TMPPE: variants seen among roughly 807,000 people sequenced by gnomAD.
TMPPE encodes the protein transmembrane protein with metallophosphoesterase domain.
In TMPPE, 16 loss-of-function variants were observed where a neutral mutation model predicts 22.6. That is an observed-to-expected ratio of 0.71 (90% confidence interval 0.48 to 1.08). The LOEUF (loss-of-function observed/expected upper bound fraction) is 1.08. TMPPE is among the 50% of genes least tolerant of loss of function. The probability of loss-of-function intolerance (pLI) is 0.00; values close to 1 mark genes in which losing one functional copy is unlikely to be tolerated. For synonymous variants in TMPPE, 240 were observed against 245.3 expected, an observed-to-expected ratio of 0.98 and a Z score of 0.20; for missense variants, 526 against 584.3, an observed-to-expected ratio of 0.90 and a Z score of 1.03.
intron 1 of TMPPE, among the ~76,000 whole-genome samples, chr3:33,095,876 C>CT (rs1307494986): frequency 1.3e-5 from 2 of 152,210 alleles, no homozygotes; most frequent in East Asian, 1.9e-4. Flanking sequence ...CAAGAAAACT[C>CT]TGTCTACATA....
rs758376354 is a variant in TMPPE, at chr3:33,092,844, C to T, written c.1352G>A (p.Arg451Gln). Residue 451 changes from arginine to glutamine, a missense_variant, in exon 2 of 2, where the codon CGG becomes CAG. Physicochemically the swap from Arg to Gln is conservative, Grantham distance 43 (BLOSUM62 1). Transcript: ENST00000342462. ...CAGGGCAGGGCCAGTTCAGGGAGAC[C>T]GCTGCAGGATGAGCTCTGTGATCTC... ...RAEITELILQ[R>Q]SP The T allele has an allele frequency of 1.3e-5, 21 of 1,601,488 alleles. No homozygotes were observed. The highest frequency in any genetic ancestry group is 2.7e-5 in the African/African-American group (2 of 74,814).
Position 33,093,563 on chromosome 3 carries a change from G to A in TMPPE, c.633C>T (p.Leu211=), listed in dbSNP as rs146436524. Residue 211 remains leucine, a synonymous_variant, in exon 2 of 2, where the codon CTC becomes CTT. Transcript: ENST00000342462. This position sits in a 1 kb window ranked among gnomAD's most constrained non-coding sequence, Gnocchi z 6.0. ...PASMNNLKIV[L]LSDIHLGPTV... ...TGGGGCCCAAGTGAATGTCTGAGAGGAGCACGATCTTGAGGTTGTTCATTG... is the reference window on the plus strand; with the variant it reads ...TGGGGCCCAAGTGAATGTCTGAGAGAAGCACGATCTTGAGGTTGTTCATTG... 6.1e-5 allele frequency: 98 copies of A among 1,614,080 alleles called. No individual in the cohort carries two copies. The highest frequency in any genetic ancestry group is 2.2e-4 in the Admixed American group (13 of 60,000).
rs781725075 is a variant in TMPPE at position 33,097,125 on chromosome 3, G to A, written c.-515C>T. ...CGGCTCTGCAGTCGGCGCCCAGGCC[G>A]GCCGCTTCGCGTCACTTGACTAAGG... On this transcript the variant is annotated 5_prime_UTR_variant, in exon 1 of 2. Transcript: ENST00000342462. The A allele has an allele frequency of 1.9e-6, 3 of 1,606,770 alleles. No homozygotes were observed. The highest frequency in any genetic ancestry group is 1.7e-6 in the Non-Finnish European group (2 of 1,176,468).
rs114462916 is a variant in TMPPE at position 33,090,885 on chromosome 3, G to C, written c.*1949C>G. The C allele has an allele frequency of 1.0e-5, 10 of 985,204 alleles. No individual in the cohort carries two copies. Among genetic ancestry groups the C allele is most frequent in the Non-Finnish European group, 1.2e-5 (10 of 829,910 alleles). The allele number at this position is 985,204 out of a possible 1,614,324, so 61.0% of individuals were successfully genotyped here. On this transcript the variant is annotated 3_prime_UTR_variant, in exon 2 of 2. Coordinates refer to ENST00000342462, the MANE Select transcript of TMPPE (RefSeq NM_001039770.3). ...TGAAGGGTACATAAGACCACACAAT[G>C]ATGGCATTCAAGAGAAAGAAAAGAG...
rs758950218 is a variant in TMPPE at position 33,092,795 on chromosome 3, G to A, written c.*39C>T. 1.3e-6 allele frequency: 2 copies of A among 1,546,752 alleles called. No individual in the cohort carries two copies. The highest frequency in any genetic ancestry group is 1.7e-6 in the Non-Finnish European group (2 of 1,146,046). On this transcript the variant is annotated 3_prime_UTR_variant, in exon 2 of 2. Transcript: ENST00000342462. ...ACTCTGAAGCAGGATGGAGGGTCGA[G>A]GACAAGGGCAGGGCAGAGGTGCACA...
rs937285209 is a variant in TMPPE, at chr3:33,093,165, T to C, written c.1031A>G (p.Tyr344Cys). 1 of 1,613,676 alleles carries C rather than the reference T, an allele frequency of 6.2e-7. No individual in the cohort carries two copies. The highest frequency in any genetic ancestry group is 1.3e-5 in the African/African-American group (1 of 74,786). Reference sequence around the variant, plus strand: ...GTCAAGATCCATGCCATGGCCAGAGTAGTGCAGGATGTCTGCTTCAATATC... The same window carrying C: ...GTCAAGATCCATGCCATGGCCAGAGCAGTGCAGGATGTCTGCTTCAATATC... ...VDDIEADILHYSGHGMDLDKA... is the reference protein window; with the variant it reads ...VDDIEADILHCSGHGMDLDKA... The change falls in exon 2 of 2, where the codon TAC becomes TGC. Residue 344 changes from tyrosine (Y) to cysteine (C), a missense_variant. Coordinates refer to ENST00000342462, the MANE Select transcript of TMPPE (RefSeq NM_001039770.3). The surrounding 1 kb of genome is among the most constrained non-coding windows in gnomAD (Gnocchi z 6.0).
In TMPPE at chr3:33,093,017, A is replaced by G; in HGVS notation, c.1179T>C (p.His393=). ...CGTTCAAGGGGAAGATCTGCCCAGCATGTGTGTGCCCAGAAAGGATCAGGT... is the reference window on the plus strand; with the variant it reads ...CGTTCAAGGGGAAGATCTGCCCAGCGTGTGTGTGCCCAGAAAGGATCAGGT... ...DINLILSGHT[H]AGQIFPLNVA... Residue 393 remains histidine, a synonymous_variant, in exon 2 of 2, where the codon CAT becomes CAC. Coordinates refer to ENST00000342462, the MANE Select transcript of TMPPE (RefSeq NM_001039770.3). This position sits in a 1 kb window ranked among gnomAD's most constrained non-coding sequence, Gnocchi z 6.0. 11 of 1,614,224 alleles carry G rather than the reference A, an allele frequency of 6.8e-6. No homozygotes were observed. Among genetic ancestry groups the G allele is most frequent in the Non-Finnish European group, 9.3e-6 (11 of 1,180,042 alleles).
Position 33,090,470 on chromosome 3 carries a change from A to G in TMPPE, c.*2364T>C. The G allele has an allele frequency of 3.0e-6, 3 of 985,480 alleles. No individual in the cohort carries two copies. The highest frequency in any genetic ancestry group is 3.6e-6 in the Non-Finnish European group (3 of 829,934). The allele number at this position is 985,480 out of a possible 1,614,324, so 61.0% of individuals were successfully genotyped here. ...CAATTTATTGAGATTTTGTGACAGC[A>G]TCATATACTACAGACACTATTGCTG... On this transcript the variant is annotated 3_prime_UTR_variant, in exon 2 of 2. Transcript: ENST00000342462.
In TMPPE at chr3:33,092,308, T is replaced by C; in HGVS notation, c.*526A>G. The C allele has an allele frequency of 1.0e-6, 1 of 986,978 alleles. No homozygotes were observed. Among genetic ancestry groups the C allele is most frequent in the Non-Finnish European group, 1.2e-6 (1 of 831,060 alleles). The allele number at this position is 986,978 out of a possible 1,614,324, so 61.1% of individuals were successfully genotyped here. ...GATAGAATCAGAGGAAAAGAAAATA[T>C]TCTTCTCTAGCAGCCAGAGGGCCCT... On this transcript the variant is annotated 3_prime_UTR_variant, in exon 2 of 2. Coordinates refer to ENST00000342462, the MANE Select transcript of TMPPE (RefSeq NM_001039770.3).
In TMPPE at chr3:33,090,655, G is replaced by C; in HGVS notation, c.*2179C>G. 2 of 985,396 alleles carry C rather than the reference G, an allele frequency of 2.0e-6. No individual in the cohort carries two copies. Among genetic ancestry groups the C allele is most frequent in the Non-Finnish European group, 2.4e-6 (2 of 829,910 alleles). 61.0% of individuals were successfully genotyped at this position (985,396 alleles called of 1,614,324 possible). Reference sequence around the variant, plus strand: ...CATGGTTTAAGAATGTTGAACAAAGGGACTAAAGGTGTCATGGAGACCTGC... The same window carrying C: ...CATGGTTTAAGAATGTTGAACAAAGCGACTAAAGGTGTCATGGAGACCTGC... On this transcript the variant is annotated 3_prime_UTR_variant, in exon 2 of 2. Transcript: ENST00000342462.
At chr3:33,094,647 AGCCATTACT>A (rs1700926563) in intron 1 of TMPPE, among the ~76,000 whole-genome samples, 1 of 150,016 alleles carries the variant, frequency 6.7e-6, no homozygotes, top group African/African-American at 2.5e-5. Flanking sequence ...TATAATTCCA[AGCCATTACT>A]GCCTTTTCCA....
In TMPPE at chr3:33,091,863, T is replaced by C; in HGVS notation, c.*971A>G. On this transcript the variant is annotated 3_prime_UTR_variant, in exon 2 of 2. Transcript: ENST00000342462. Reference sequence around the variant, plus strand: ...GTGAGGCCTTTTCTAACACGGGTGCTTATCTCCATCTCAGGATCAAAGGAT... The same window carrying C: ...GTGAGGCCTTTTCTAACACGGGTGCCTATCTCCATCTCAGGATCAAAGGAT... 1 of 985,428 alleles carries C rather than the reference T, an allele frequency of 1.0e-6. No homozygotes were observed. Among genetic ancestry groups the C allele is most frequent in the Non-Finnish European group, 1.2e-6 (1 of 829,948 alleles). 61.0% of individuals were successfully genotyped at this position (985,428 alleles called of 1,614,324 possible). A position where few individuals can be genotyped will look rare whatever the true frequency, so the allele number is the denominator to read the frequency against.
chr3:33,091,402 G>C lies in TMPPE; in HGVS notation c.*1432C>G. 1.0e-6 allele frequency: 1 copy of C among 985,528 alleles called. No homozygotes were observed. The highest frequency in any genetic ancestry group is 1.2e-6 in the Non-Finnish European group (1 of 830,020). The allele number at this position is 985,528 out of a possible 1,614,324, so 61.0% of individuals were successfully genotyped here. A position where few individuals can be genotyped will look rare whatever the true frequency, so the allele number is the denominator to read the frequency against. On this transcript the variant is annotated 3_prime_UTR_variant, in exon 2 of 2. Coordinates refer to ENST00000342462, the MANE Select transcript of TMPPE (RefSeq NM_001039770.3). ...AGGGAAGGAAGGCAAACCCCTAGCA[G>C]TTGCTGCTTTGACACATCACCTGCC...
At position 33,091,185 on chromosome 3, in the gene TMPPE, G is replaced by A. The variant is rs1295450196; in HGVS notation, c.*1649C>T. ...TGAGTTTGGAAGGACAGTGAAGAGA[G>A]AAAAAAGAATAAGGAAACCACCAAA... On this transcript the variant is annotated 3_prime_UTR_variant, in exon 2 of 2. Transcript: ENST00000342462. 1 of 985,238 alleles carries A rather than the reference G, an allele frequency of 1.0e-6. No homozygotes were observed. The highest frequency in any genetic ancestry group is 1.7e-5 in the African/African-American group (1 of 57,200). 61.0% of individuals were successfully genotyped at this position (985,238 alleles called of 1,614,324 possible).
In TMPPE at chr3:33,091,401, A is replaced by G. The variant is rs989787546; in HGVS notation, c.*1433T>C. 2.0e-6 allele frequency: 2 copies of G among 985,524 alleles called. No individual in the cohort carries two copies. Among genetic ancestry groups the G allele is most frequent in the Non-Finnish European group, 2.4e-6 (2 of 830,014 alleles). 61.0% of individuals were successfully genotyped at this position (985,524 alleles called of 1,614,324 possible). A position where few individuals can be genotyped will look rare whatever the true frequency, so the allele number is the denominator to read the frequency against. ...GAGGGAAGGAAGGCAAACCCCTAGC[A>G]GTTGCTGCTTTGACACATCACCTGC... On this transcript the variant is annotated 3_prime_UTR_variant, in exon 2 of 2. Transcript: ENST00000342462.
rs1289498698 is a variant in TMPPE at position 33,092,697 on chromosome 3, G to A, written c.*137C>T. On this transcript the variant is annotated 3_prime_UTR_variant, in exon 2 of 2. Coordinates refer to ENST00000342462, the MANE Select transcript of TMPPE (RefSeq NM_001039770.3). Reference sequence around the variant, plus strand: ...GCAGGCCCACCATAAGTCACTGTTTGAGTCAGGCTTGTGACCAAGGGTGTG... The same window carrying A: ...GCAGGCCCACCATAAGTCACTGTTTAAGTCAGGCTTGTGACCAAGGGTGTG... 9.7e-6 allele frequency: 14 copies of A among 1,441,494 alleles called. No homozygotes were observed. The highest frequency in any genetic ancestry group is 1.3e-5 in the Non-Finnish European group (14 of 1,099,814). The allele number at this position is 1,441,494 out of a possible 1,614,324, so 89.3% of individuals were successfully genotyped here. A position where few individuals can be genotyped will look rare whatever the true frequency, so the allele number is the denominator to read the frequency against.
chr3:33,094,473 G>A (rs2125587228), intron 1 of TMPPE, among the ~76,000 whole-genome samples, 170 bp from the exon 2 acceptor site: 1 of 152,342 alleles, frequency 6.6e-6, no homozygotes, highest in South Asian at 2.1e-4. Context: ...ACAGCATTGT[G>A]ACATGATGGG....
At chr3:33,095,436 G>A (rs1400963839) in intron 1 of TMPPE, among the ~76,000 whole-genome samples, 4 of 152,156 alleles carry the variant, frequency 2.6e-5, no homozygotes, top group Admixed American at 2.6e-4. Context: ...TGAGGCAGGA[G>A]AATGGCGTGA....
At position 33,093,857 on chromosome 3, in the gene TMPPE, G is replaced by C. The variant is rs1700883680; in HGVS notation, c.339C>G (p.Leu113=). The C allele has an allele frequency of 1.2e-6, 2 of 1,613,786 alleles. No individual in the cohort carries two copies. The highest frequency in any genetic ancestry group is 1.3e-5 in the African/African-American group (1 of 75,068). Residue 113 remains leucine, a synonymous_variant, in exon 2 of 2, where the codon CTC becomes CTG. Coordinates refer to ENST00000342462, the MANE Select transcript of TMPPE (RefSeq NM_001039770.3). This position sits in a 1 kb window ranked among gnomAD's most constrained non-coding sequence, Gnocchi z 6.0. Reference sequence around the variant, plus strand: ...GGCAGGAGTAGGCCGCCAAGGAAAAGAGATAGGGCTCTTCGGCCACTAAAA... The same window carrying C: ...GGCAGGAGTAGGCCGCCAAGGAAAACAGATAGGGCTCTTCGGCCACTAAAA... ...MFFLVAEEPY[L]FSLAAYSCLG... is the part of the protein sequence containing the mutation.
Sources: gnomAD v4.1 joint callset for allele counts (sites outside exome capture counted in the v4.1 genomes callset) on GRCh38, gnomAD v4.1.1 for gene constraint, Gnocchi (gnomAD v3.1) non-coding constraint, MANE v1.5 for transcripts, NCBI Gene and HGNC (gene_info 2026-07-23, HGNC 2026-07-21) for gene names.